Variants in PRDM5 observed in about 807,000 individuals in gnomAD.
PRDM5 encodes PR domain zinc finger protein 5.
Under a neutral mutation model 81.2 loss-of-function variants are expected in PRDM5, and 56 were observed. The ratio of observed to expected loss-of-function variants is 0.69; its 90% CI spans 0.56 to 0.86. The LOEUF (loss-of-function observed/expected upper bound fraction) is 0.86, where lower values mean the gene tolerates loss of function less well. Among genes scored for constraint, PRDM5 ranks in the 40% least tolerant of loss-of-function variants. The pLI is 0.00. For missense variants in PRDM5, 697 were observed against 770.1 expected, an observed-to-expected ratio of 0.91 and a Z score of 1.12; for synonymous variants, 267 against 256.4, an observed-to-expected ratio of 1.04 and a Z score of -0.39.
chr4:120,827,617 T>G (rs913425111), intron 3 of PRDM5, among the ~76,000 whole-genome samples: 2 of 152,078 alleles, frequency 1.3e-5, no homozygotes, highest in Non-Finnish European at 2.9e-5. Context: ...AAAACTACTA[T>G]CATCAGTATC....
intron 2 of PRDM5, among the ~76,000 whole-genome samples, chr4:120,896,809 G>A (rs979193702): frequency 5.3e-5 from 8 of 151,286 alleles, no homozygotes; most frequent in East Asian, 3.9e-4. Context: ...TCAGCCTCCC[G>A]AGTAGCTGGG....
chr4:120,907,697 A>G, intron 1 of PRDM5, 140 bp from the exon 2 acceptor site: 2 of 746,274 alleles, frequency 2.7e-6, no homozygotes, highest in South Asian at 3.0e-5. Flanking sequence ...TAACTAATTT[A>G]CCCAACACAA....
chr4:120,816,186 A>G (rs1280127255), intron 7 of PRDM5: 3 of 498,208 alleles, frequency 6.0e-6, no homozygotes, highest in Admixed American at 3.6e-5. Flanking sequence ...TTCTTAATGC[A>G]TCTGACCACC....
At chr4:120,768,065 G>A (rs1746646963) in intron 13 of PRDM5, among the ~76,000 whole-genome samples, 1 of 152,054 alleles carries the variant, frequency 6.6e-6, no homozygotes, top group South Asian at 2.1e-4. Context: ...AGCAGGGTGA[G>A]AACAGACTAA....
intron 14 of PRDM5, among the ~76,000 whole-genome samples, chr4:120,751,682 T>C (rs1561089577): frequency 6.6e-6 from 1 of 152,192 alleles, no homozygotes; most frequent in Non-Finnish European, 1.5e-5. Context: ...CCCTGGTCTC[T>C]CCATGAAAGG....
chr4:120,847,871 TG>T (rs1486789311), intron 3 of PRDM5, among the ~76,000 whole-genome samples: 3 of 152,178 alleles, frequency 2.0e-5, no homozygotes, highest in Non-Finnish European at 4.4e-5. Flanking sequence ...GAAGCAGGAT[TG>T]GTCTTCAATA....
intron 13 of PRDM5, among the ~76,000 whole-genome samples, chr4:120,774,534 C>T (rs1160660944): frequency 1.3e-5 from 2 of 152,174 alleles, no homozygotes; most frequent in Non-Finnish European, 2.9e-5. Context: ...CAAATGGATG[C>T]TTATCATTTG....
chr4:120,734,421 T>TAC (rs149559268), intron 14 of PRDM5, among the ~76,000 whole-genome samples: 23,571 of 137,990 alleles, frequency 0.17, 1,942 homozygotes, highest in Middle Eastern at 0.31. Context: ...CACACACAAA[T>TAC]ACACACACAC....
intron 2 of PRDM5, among the ~76,000 whole-genome samples, chr4:120,854,006 T>TG (rs1325677400): frequency 6.6e-6 from 1 of 152,200 alleles, no homozygotes; most frequent in Non-Finnish European, 1.5e-5. Flanking sequence ...AAGGAGAACC[T>TG]GCTCATCTAG....
intron 10 of PRDM5, among the ~76,000 whole-genome samples, chr4:120,790,183 C>A (rs1407133923): frequency 1.3e-5 from 2 of 152,216 alleles, no homozygotes; most frequent in Non-Finnish European, 2.9e-5. Context: ...CCTAGGCTGG[C>A]TGACTTGACC....
At chr4:120,774,919 T>TGTATATGTATAC (rs1488395034) in intron 13 of PRDM5, among the ~76,000 whole-genome samples, 2 of 148,164 alleles carry the variant, frequency 1.3e-5, no homozygotes, top group Non-Finnish European at 3.0e-5. Flanking sequence ...TATATGTATA[T>TGTATATGTATAC]GTATATATAT....
intron 2 of PRDM5, among the ~76,000 whole-genome samples, chr4:120,904,570 C>A (rs1294426490): frequency 6.6e-6 from 1 of 152,070 alleles, no homozygotes; most frequent in African/African-American, 2.4e-5. Context: ...TGTATAAAAT[C>A]AATAGCTCCT....
At chr4:120,918,207 C>T (rs1724440985) in intron 1 of PRDM5, among the ~76,000 whole-genome samples, 1 of 152,172 alleles carries the variant, frequency 6.6e-6, no homozygotes, top group Admixed American at 6.5e-5. Flanking sequence ...TGTTTAATAA[C>T]ACCAGGAAAT....
At chr4:120,898,897 T>C (rs894570926) in intron 2 of PRDM5, among the ~76,000 whole-genome samples, 1 of 152,206 alleles carries the variant, frequency 6.6e-6, no homozygotes, top group Non-Finnish European at 1.5e-5. Flanking sequence ...GACTGTCTGA[T>C]AGCGCTCCTC....
At chr4:120,762,425 T>A (rs1017234843) in intron 13 of PRDM5, 1 of 152,226 alleles carries the variant, frequency 6.6e-6, no homozygotes, top group African/African-American at 2.4e-5. Context: ...ATGTATTATA[T>A]GGGAATTCTT....
At chr4:120,857,307 G>A (rs1344787652) in intron 2 of PRDM5, among the ~76,000 whole-genome samples, 1 of 152,156 alleles carries the variant, frequency 6.6e-6, no homozygotes, top group Non-Finnish European at 1.5e-5. Context: ...GCTGTGAACC[G>A]AGATCACGCC....
At chr4:120,868,488 A>G (rs1446115390) in intron 2 of PRDM5, among the ~76,000 whole-genome samples, 1 of 152,134 alleles carries the variant, frequency 6.6e-6, no homozygotes, top group Non-Finnish European at 1.5e-5. Context: ...TGGATTTCAG[A>G]TTTCTAGATT....
chr4:120,792,542 ATGATCCAGCAG>A (rs1259390333), intron 10 of PRDM5, among the ~76,000 whole-genome samples: 1 of 152,200 alleles, frequency 6.6e-6, no homozygotes, highest in Non-Finnish European at 1.5e-5. Context: ...GGACTACCAT[ATGATCCAGCAG>A]TCCCACTTCC....
In PRDM5 at chr4:120,888,087, C is replaced by A. The variant is rs1309848928; in HGVS notation, c.177+19387G>T. Among the ~76,000 whole-genome samples, 2 of 55,764 alleles carry A rather than the reference C, an allele frequency of 3.6e-5. 1 individual carries two copies. Among genetic ancestry groups the A allele is most frequent in the African/African-American group, 3.8e-4 (2 of 5,316 alleles). 36.6% of individuals were successfully genotyped at this position (55,764 alleles called of 152,430 possible). On this transcript the variant is annotated intron_variant, in intron 2 of 15. Coordinates refer to ENST00000264808, the MANE Select transcript of PRDM5 (RefSeq NM_018699.4). ...GATTACAGGCGTGAGCCACCGCGCC[C>A]GGCCGACATTTTATCCTATTGTTGT...
Sources: gnomAD v4.1 joint callset for allele counts (sites outside exome capture counted in the v4.1 genomes callset) on GRCh38, gnomAD v4.1.1 for gene constraint, MANE v1.5 for transcripts, NCBI Gene and HGNC (gene_info 2026-07-23, HGNC 2026-07-21) for gene names.